The following DROSHA variants were observed in gnomAD, a reference collection of about 807,000 sequenced individuals.
DROSHA encodes the protein ribonuclease 3.
In DROSHA, 56 loss-of-function variants were observed where a neutral mutation model predicts 181.9. The observed-to-expected ratio is 0.31, with a 90% CI of 0.25 to 0.38. DROSHA has a LOEUF of 0.38. DROSHA is among the 10% of genes least tolerant of loss of function. DROSHA has a pLI of 1.00. For synonymous variants in DROSHA, 524 were observed against 591.2 expected (o/e 0.89, Z 1.65); for missense variants, 1,218 against 1,743.5 (o/e 0.70, Z 5.37).
chr5:31,455,751 C>G (rs1217419359), intron 20 of DROSHA, among the ~76,000 whole-genome samples: 1 of 151,790 alleles, frequency 6.6e-6, no homozygotes, highest in Non-Finnish European at 1.5e-5. Flanking sequence ...AGTGATCCTC[C>G]CACCTCAGCC....
At chr5:31,467,734 T>C (rs1580196676) in intron 18 of DROSHA, 2 of 532,250 alleles carry the variant, frequency 3.8e-6, no homozygotes, top group Non-Finnish European at 5.8e-6. Flanking sequence ...TATTGAATAA[T>C]AGTTTCTTGC....
At chr5:31,520,537 A>T (rs561814768) in intron 6 of DROSHA, among the ~76,000 whole-genome samples, 1 of 152,210 alleles carries the variant, frequency 6.6e-6, no homozygotes, top group African/African-American at 2.4e-5. Context: ...ACCCCTTATC[A>T]CTCAAGAAGG....
chr5:31,487,777 G>C (rs1751954877), intron 13 of DROSHA, among the ~76,000 whole-genome samples: 1 of 152,144 alleles, frequency 6.6e-6, no homozygotes, highest in African/African-American at 2.4e-5. Flanking sequence ...CTAAAGAATA[G>C]TGGTTAATTT....
intron 20 of DROSHA, among the ~76,000 whole-genome samples, chr5:31,451,927 A>AC (rs767422630): frequency 6.6e-5 from 10 of 152,064 alleles, no homozygotes; most frequent in Non-Finnish European, 1.2e-4. Flanking sequence ...CAGTTTCCTC[A>AC]CCCGCACAAT....
At chr5:31,513,239 C>T (rs1362773510) in intron 8 of DROSHA, among the ~76,000 whole-genome samples, 1 of 152,178 alleles carries the variant, frequency 6.6e-6, no homozygotes, top group Non-Finnish European at 1.5e-5. Flanking sequence ...GACCTGAGGC[C>T]TGCTAGTCCT....
At chr5:31,447,996 T>C (rs1254511851) in intron 23 of DROSHA, among the ~76,000 whole-genome samples, 1 of 152,152 alleles carries the variant, frequency 6.6e-6, no homozygotes, top group Non-Finnish European at 1.5e-5. Flanking sequence ...GCAATTCTAC[T>C]CCTAAGTATA....
At chr5:31,450,913 A>G (rs1746912473) in intron 21 of DROSHA, among the ~76,000 whole-genome samples, 1 of 152,152 alleles carries the variant, frequency 6.6e-6, no homozygotes, top group African/African-American at 2.4e-5. Flanking sequence ...AAAAATCCAC[A>G]TCTTTAGGCT....
chr5:31,437,321 T>G, intron 23 of DROSHA, 23 bp from the exon 24 acceptor site: 1 of 1,552,806 alleles, frequency 6.4e-7, no homozygotes, highest in African/African-American at 1.4e-5. Flanking sequence ...TTAAAAAGGT[T>G]ACTTAATACA....
rs1183286859 is a variant in DROSHA, at chr5:31,400,680, A to AAC, written c.*750_*751dup. The AAC allele has an allele frequency of 2.0e-5, 3 of 152,200 alleles. No individual in the cohort carries two copies. Among genetic ancestry groups the AAC allele is most frequent in the Non-Finnish European group, 4.4e-5 (3 of 68,064 alleles). 9.4% of individuals were successfully genotyped at this position (152,200 alleles called of 1,614,324 possible). A position where few individuals can be genotyped will look rare whatever the true frequency, so the allele number is the denominator to read the frequency against. On this transcript the variant is annotated 3_prime_UTR_variant, in exon 36 of 36. Transcript: ENST00000344624. The stretch of plus-strand genomic sequence containing the variant: ...GCTCCCCATGCCCTCTCAAATCTCA[A>AAC]ACACACACAGAAAATTGAATATAGT...
At chr5:31,512,099 T>C (rs1054060714) in intron 8 of DROSHA, among the ~76,000 whole-genome samples, 1 of 152,292 alleles carries the variant, frequency 6.6e-6, no homozygotes, top group African/African-American at 2.4e-5. Flanking sequence ...AAAATCACTT[T>C]ACATCTCCAC....
At chr5:31,407,967 G>T (rs571506723) in intron 33 of DROSHA, among the ~76,000 whole-genome samples, 103 of 152,096 alleles carry the variant, frequency 6.8e-4, no homozygotes, top group Non-Finnish European at 1.0e-3. Context: ...TAAACATTTG[G>T]GGCTTTTTTC....
At position 31,515,153 on chromosome 5, in the gene DROSHA, G is replaced by A. The variant is rs1739136146; in HGVS notation, c.1125C>T (p.Asn375=). The change falls in exon 8 of 36, where the codon AAC becomes AAT. Residue 375 remains asparagine, a synonymous_variant. Transcript: ENST00000344624. ...WEEEKDRWSD[N]QSSGKDKNYT... is the part of the protein sequence containing the mutation. Reference sequence around the variant, plus strand: ...AGTTCTTGTCTTTGCCAGAACTCTGGTTGTCACTCCAACGGTCTTTTTCTT... The same window carrying A: ...AGTTCTTGTCTTTGCCAGAACTCTGATTGTCACTCCAACGGTCTTTTTCTT... The A allele has an allele frequency of 6.2e-7, 1 of 1,613,738 alleles. No homozygotes were observed. Among genetic ancestry groups the A allele is most frequent in the African/African-American group, 1.3e-5 (1 of 74,866 alleles).
In DROSHA at chr5:31,421,278, G is replaced by A. The variant is rs570401901; in HGVS notation, c.3519C>T (p.His1173=). 6.8e-6 allele frequency: 11 copies of A among 1,612,624 alleles called. No individual in the cohort carries two copies. The highest frequency in any genetic ancestry group is 1.1e-5 in the South Asian group (1 of 91,014). Reference sequence around the variant, plus strand: ...AGTGATTTAACCAACTCACAGTTAAGTGTCCTTCATGATGATCTGGGAAAT... The same window carrying A: ...AGTGATTTAACCAACTCACAGTTAAATGTCCTTCATGATGATCTGGGAAAT... ...FIHFPDHHEG[H]LTLLRSSLVN... The change falls in exon 30 of 36, where the codon CAC becomes CAT. Residue 1173 remains histidine (H), a synonymous_variant. Coordinates refer to ENST00000344624, the MANE Select transcript of DROSHA (RefSeq NM_001382508.1).
intron 11 of DROSHA, among the ~76,000 whole-genome samples, chr5:31,500,101 C>T (rs1228248197): frequency 6.6e-6 from 1 of 152,180 alleles, no homozygotes; most frequent in Non-Finnish European, 1.5e-5. Context: ...TAAGAGCAAC[C>T]ACTCACTTGT....
chr5:31,435,225 G>A (rs1744648341), intron 25 of DROSHA, among the ~76,000 whole-genome samples: 1 of 152,116 alleles, frequency 6.6e-6, no homozygotes, highest in African/African-American at 2.4e-5. Context: ...ATTATGAAAA[G>A]GTTCTGTTAG....
intron 10 of DROSHA, among the ~76,000 whole-genome samples, chr5:31,506,405 C>T (rs906336105): frequency 2.7e-5 from 4 of 150,416 alleles, no homozygotes; most frequent in African/African-American, 9.8e-5. Flanking sequence ...AGGCCAGGTG[C>T]AATAGCTCAT....
At chr5:31,446,040 G>A (rs936510058) in intron 23 of DROSHA, among the ~76,000 whole-genome samples, 1 of 152,168 alleles carries the variant, frequency 6.6e-6, no homozygotes, top group Non-Finnish European at 1.5e-5. Context: ...TCCACTAAAA[G>A]ACTATTAGAC....
chr5:31,422,080 A>T (rs1046345320), intron 29 of DROSHA, among the ~76,000 whole-genome samples: 1 of 131,478 alleles, frequency 7.6e-6, no homozygotes, highest in African/African-American at 3.3e-5. Context: ...CAACAGAGTG[A>T]GATCTGTCAG....
chr5:31,474,416 G>A (rs1750126461), intron 16 of DROSHA, among the ~76,000 whole-genome samples: 1 of 151,806 alleles, frequency 6.6e-6, no homozygotes, highest in African/African-American at 2.4e-5. Flanking sequence ...AGGCTGGAGT[G>A]CAGTGATGCC....
Sources: allele counts gnomAD v4.1 joint callset (sites outside exome capture counted in the v4.1 genomes callset), GRCh38; gene constraint gnomAD v4.1.1; transcripts MANE v1.5; gene names NCBI Gene and HGNC (gene_info 2026-07-23, HGNC 2026-07-21).